Variants in SPTLC1 observed in about 807,000 individuals in gnomAD.
SPTLC1 encodes serine palmitoyltransferase long chain base subunit 1.
A neutral mutation model predicts 68.9 loss-of-function variants in SPTLC1; 55 were observed. The ratio of observed to expected loss-of-function variants is 0.80; its 90% CI spans 0.64 to 1.00. The LOEUF (loss-of-function observed/expected upper bound fraction) is 1.00, where lower values mean the gene tolerates loss of function less well. Ranked by LOEUF, SPTLC1 falls within the 50% of genes least tolerant of loss-of-function variation. SPTLC1 has a pLI of 0.00. For missense variants in SPTLC1, 449 were observed against 573.1 expected, an observed-to-expected ratio of 0.78 and a Z score of 2.21; for synonymous variants, 197 against 201.6, an observed-to-expected ratio of 0.98 and a Z score of 0.19.
intron 5 of SPTLC1, among the ~76,000 whole-genome samples, chr9:92,069,023 C>T (rs1587940568): frequency 6.6e-6 from 1 of 152,226 alleles, no homozygotes. Context: ...GTGTGGAGAG[C>T]GCTCGAAGAA....
intron 12 of SPTLC1, among the ~76,000 whole-genome samples, chr9:92,043,706 T>C (rs1216520560): frequency 6.6e-6 from 1 of 152,238 alleles, no homozygotes; most frequent in Non-Finnish European, 1.5e-5. Context: ...TCAGAGTCAC[T>C]ATCACCTTTC....
At chr9:92,095,888 T>C (rs2118762712) in intron 3 of SPTLC1, among the ~76,000 whole-genome samples, 1 of 152,266 alleles carries the variant, frequency 6.6e-6, no homozygotes, top group South Asian at 2.1e-4. Context: ...CATTAAACAC[T>C]GGAAAACGGG....
intron 11 of SPTLC1, 116 bp downstream of exon 11, chr9:92,047,056 T>C: frequency 1.1e-6 from 1 of 870,598 alleles, no homozygotes; most frequent in African/African-American, 1.6e-5. Context: ...GAATGCCATA[T>C]AATGTAACTG....
chr9:92,082,974 A>G (rs1834948267), intron 3 of SPTLC1, among the ~76,000 whole-genome samples: 1 of 151,780 alleles, frequency 6.6e-6, no homozygotes, highest in Admixed American at 6.6e-5. Flanking sequence ...TTTGATTTGC[A>G]TTTCTCTCAT....
intron 12 of SPTLC1, among the ~76,000 whole-genome samples, chr9:92,041,897 G>A (rs969783153): frequency 2.0e-4 from 30 of 152,058 alleles, no homozygotes; most frequent in African/African-American, 4.8e-4. Flanking sequence ...AAAGTTCAAC[G>A]TCTATTTATG....
intron 12 of SPTLC1, among the ~76,000 whole-genome samples, chr9:92,043,641 C>T (rs1296329438): frequency 6.6e-6 from 1 of 152,178 alleles, no homozygotes; most frequent in Non-Finnish European, 1.5e-5. Context: ...GTGTGCTCTC[C>T]CTTCAGAAGA....
Position 92,103,636 on chromosome 9 carries a change from G to A in SPTLC1, c.260+5104C>T, listed in dbSNP as rs1446023043. ...GCATCCAGTCAGGTCAGGGCACCGC[G>A]TCCTCTCTTTGGAAACCTGCGAAGC... is the stretch of plus-strand genomic sequence containing the variant. On this transcript the variant is annotated intron_variant, in intron 3 of 14. Coordinates refer to ENST00000262554, the MANE Select transcript of SPTLC1 (RefSeq NM_006415.4). Among the ~76,000 whole-genome samples, 5 of 152,348 alleles carry A rather than the reference G, an allele frequency of 3.3e-5. No homozygotes were observed. In the South Asian group the frequency reaches 1.0e-3, roughly 32 times the overall value.
chr9:92,106,492 A>G (rs1439979532), intron 3 of SPTLC1, among the ~76,000 whole-genome samples: 110 of 149,432 alleles, frequency 7.4e-4, no homozygotes, highest in African/African-American at 2.6e-3. Context: ...AAAAAAAAAA[A>G]GTAAGACATG....
At chr9:92,071,416 C>G (rs1286693503) in intron 5 of SPTLC1, among the ~76,000 whole-genome samples, 1 of 152,130 alleles carries the variant, frequency 6.6e-6, no homozygotes, top group Non-Finnish European at 1.5e-5. Flanking sequence ...CAACAACACA[C>G]ACACAAAAAT....
chr9:92,110,207 A>T (rs1309423239), intron 2 of SPTLC1: 1 of 152,160 alleles, frequency 6.6e-6, no homozygotes, highest in African/African-American at 2.4e-5. Context: ...CACTTTATTA[A>T]CTCTATTATT....
chr9:92,063,861 A>G (rs1247492622), intron 6 of SPTLC1, among the ~76,000 whole-genome samples: 1 of 152,198 alleles, frequency 6.6e-6, no homozygotes, highest in African/African-American at 2.4e-5. Flanking sequence ...AGGAAAGTGA[A>G]TGTAATAAAG....
At chr9:92,044,478 C>T (rs1007142329) in intron 12 of SPTLC1, among the ~76,000 whole-genome samples, 26 of 152,060 alleles carry the variant, frequency 1.7e-4, no homozygotes, top group African/African-American at 5.1e-4. Context: ...ACAGTCCAGG[C>T]GAAGGGCAGT....
chr9:92,058,478 T>C (rs1300606106), intron 7 of SPTLC1, among the ~76,000 whole-genome samples: 3 of 152,208 alleles, frequency 2.0e-5, no homozygotes, highest in Non-Finnish European at 4.4e-5. Flanking sequence ...CTACTTTACT[T>C]ACCCATGTCA....
chr9:92,043,357 A>G (rs1833412753), intron 12 of SPTLC1, among the ~76,000 whole-genome samples: 1 of 152,024 alleles, frequency 6.6e-6, no homozygotes, highest in Admixed American at 6.6e-5. Flanking sequence ...TTCATATAAT[A>G]TCCATACCCC....
chr9:92,081,056 T>TG, intron 3 of SPTLC1, 93 bp from the exon 4 acceptor site: 3 of 915,174 alleles, frequency 3.3e-6, no homozygotes, highest in Non-Finnish European at 5.4e-6. Flanking sequence ...CATAGTGTTG[T>TG]CATCCTACCC....
Position 92,112,489 on chromosome 9 carries a change from T to A in SPTLC1, c.131A>T (p.Tyr44Phe). The A allele has an allele frequency of 6.2e-7, 1 of 1,610,712 alleles. No homozygotes were observed. The highest frequency in any genetic ancestry group is 1.1e-5 in the South Asian group (1 of 91,014). Residue 44 changes from tyrosine (Y) to phenylalanine (F), a missense_variant, in exon 2 of 15, where the codon TAC becomes TTC. By Grantham distance (22) the Tyr-to-Phe change is conservative. Transcript: ENST00000262554. ...WIIRLLFSKT[Y>F]KLQERSDLTV... Reference sequence around the variant, plus strand: ...AAGATCAGATCGTTCTTGTAATTTGTAAGTCTTAGAGAAAAGAAGTCTGAT... The same window carrying A: ...AAGATCAGATCGTTCTTGTAATTTGAAAGTCTTAGAGAAAAGAAGTCTGAT...
intron 3 of SPTLC1, chr9:92,105,482 A>G (rs1835926810): frequency 1.2e-6 from 1 of 860,200 alleles, no homozygotes; most frequent in Non-Finnish European, 1.8e-6. Flanking sequence ...AGGCGGGTGG[A>G]TCAGGAGGTC....
chr9:92,032,015 A>C lies in SPTLC1; in HGVS notation c.*450T>G. On this transcript the variant is annotated 3_prime_UTR_variant, in exon 15 of 15. Coordinates refer to ENST00000262554, the MANE Select transcript of SPTLC1 (RefSeq NM_006415.4). ...GATCTTCAATATAAATTTGTACCAC[A>C]TATGTTGAAGTGTTCCTCTTAGCTT... 1 of 383,532 alleles carries C rather than the reference A, an allele frequency of 2.6e-6. No homozygotes were observed. The highest frequency in any genetic ancestry group is 4.6e-6 in the Non-Finnish European group (1 of 215,630). 23.8% of individuals were successfully genotyped at this position (383,532 alleles called of 1,614,324 possible).
At chr9:92,067,308 A>C (rs9696921) in intron 6 of SPTLC1, among the ~76,000 whole-genome samples, 5,143 of 151,618 alleles carry the variant, frequency 0.034, 151 homozygotes, top group South Asian at 0.11. Context: ...CACACACAAA[A>C]AAAAAAAAAA....
Sources: gnomAD v4.1 joint callset for allele counts (sites outside exome capture counted in the v4.1 genomes callset) on GRCh38, gnomAD v4.1.1 for gene constraint, MANE v1.5 for transcripts, NCBI Gene and HGNC (gene_info 2026-07-23, HGNC 2026-07-21) for gene names.